STKLD1: variants seen among roughly 807,000 people sequenced by gnomAD.
STKLD1 encodes the protein serine/threonine kinase-like domain-containing protein STKLD1.
STKLD1 carries 79 observed loss-of-function variants against 80.4 expected under a neutral mutation model. That is an observed-to-expected ratio of 0.98 (90% CI 0.82 to 1.19). STKLD1 has a LOEUF of 1.19. Among genes scored for constraint, STKLD1 ranks in the 50% most tolerant of loss-of-function variants. STKLD1 has a pLI of 0.00. For synonymous variants in STKLD1, 393 were observed against 357.6 expected (o/e 1.10, Z -1.12); for missense variants, 841 against 856.0 (o/e 0.98, Z 0.22).
chr9:133,392,014 G>A (rs1201520848), intron 7 of STKLD1, among the ~76,000 whole-genome samples: 2 of 151,346 alleles, frequency 1.3e-5, no homozygotes, highest in East Asian at 3.9e-4. Flanking sequence ...GGGCTGGAGA[G>A]ATCAACCACA....
At chr9:133,380,936 A>G (rs1000957074) in intron 2 of STKLD1, among the ~76,000 whole-genome samples, 3 of 152,062 alleles carry the variant, frequency 2.0e-5, no homozygotes, top group Non-Finnish European at 4.4e-5. Context: ...AACTAACCCA[A>G]GCCATCCCTA....
chr9:133,393,605 A>ATGAGTGGGTGAGTGAGTGAATGAG (rs200438905), intron 7 of STKLD1, among the ~76,000 whole-genome samples: 2 of 127,978 alleles, frequency 1.6e-5, no homozygotes, highest in African/African-American at 5.8e-5. Flanking sequence ...GAGTGAGTGA[A>ATGAGTGGGTGAGTGAGTGAATGAG]TGGGTGAGTG....
chr9:133,393,393 T>TG (rs1310210451), intron 7 of STKLD1, among the ~76,000 whole-genome samples: 6 of 132,088 alleles, frequency 4.5e-5, no homozygotes, highest in Non-Finnish European at 9.5e-5. Flanking sequence ...GGTGAGTAGA[T>TG]GGATGGATGG....
chr9:133,388,989 C>T, intron 5 of STKLD1: 1 of 985,432 alleles, frequency 1.0e-6, no homozygotes, highest in African/African-American at 1.7e-5. Context: ...CCCCTCAGCC[C>T]CTCTCTGACA....
chr9:133,386,617 CCA>C (rs1193282053), intron 4 of STKLD1, among the ~76,000 whole-genome samples: 1 of 152,246 alleles, frequency 6.6e-6, no homozygotes, highest in Non-Finnish European at 1.5e-5. Flanking sequence ...CTCTCCAAGG[CCA>C]CACAGCTAGT....
At chr9:133,376,872 G>T (rs1005869553) in intron 1 of STKLD1, among the ~76,000 whole-genome samples, 4 of 152,148 alleles carry the variant, frequency 2.6e-5, no homozygotes, top group South Asian at 2.1e-4. Context: ...CAGGACCCCC[G>T]GGAACATCCC....
intron 11 of STKLD1, among the ~76,000 whole-genome samples, chr9:133,398,818 G>C (rs587647371): frequency 1.3e-5 from 2 of 148,356 alleles, no homozygotes; most frequent in East Asian, 3.9e-4. Flanking sequence ...TTCATGGAGA[G>C]TGTTGGGAAA....
chr9:133,386,182 G>T (rs1381281221), intron 4 of STKLD1, among the ~76,000 whole-genome samples: 2 of 152,224 alleles, frequency 1.3e-5, no homozygotes, highest in African/African-American at 4.8e-5. Context: ...GCCTCCCAAA[G>T]TGCTGGGATT....
At chr9:133,376,665 C>CCTGGCCGACA in intron 1 of STKLD1, 105 bp downstream of exon 1, 1 of 1,028,904 alleles carries the variant, frequency 9.7e-7, no homozygotes, top group Non-Finnish European at 1.4e-6. Flanking sequence ...GGGCCCGCGC[C>CCTGGCCGACA]CTGGCCAGTG....
Position 133,389,409 on chromosome 9 carries a change from T to C in STKLD1, c.397-117T>C. On this transcript the variant is annotated intron_variant, in intron 5 of 17. Coordinates refer to ENST00000371957, the MANE Select transcript of STKLD1 (RefSeq NM_153710.5). The surrounding 1 kb of genome is among the most constrained non-coding windows in gnomAD (Gnocchi z 6.4). ...CTGAGCGCTTGGCTGGCTTCAGGCC[T>C]GTCTCAAGATGCAAGGAGAGGATAC... 2.0e-6 allele frequency: 3 copies of C among 1,489,424 alleles called. No homozygotes were observed. Among genetic ancestry groups the C allele is most frequent in the Non-Finnish European group, 2.7e-6 (3 of 1,114,916 alleles). 92.3% of individuals were successfully genotyped at this position (1,489,424 alleles called of 1,614,324 possible).
chr9:133,397,423 G>A, intron 10 of STKLD1, 129 bp downstream of exon 10: 1 of 1,236,074 alleles, frequency 8.1e-7, no homozygotes, highest in Non-Finnish European at 1.1e-6. Context: ...CGACCAGTGG[G>A]TAGGAACAGT....
At chr9:133,386,552 G>A (rs2130277812) in intron 4 of STKLD1, among the ~76,000 whole-genome samples, 1 of 152,248 alleles carries the variant, frequency 6.6e-6, no homozygotes, top group Non-Finnish European at 1.5e-5. Flanking sequence ...AGGGCTGCAG[G>A]GCAGGAAGTA....
At chr9:133,399,826 CTGAGA>C (rs1440465163) in intron 11 of STKLD1, among the ~76,000 whole-genome samples, 17 of 149,402 alleles carry the variant, frequency 1.1e-4, no homozygotes, top group Admixed American at 1.1e-3. Flanking sequence ...TTGCAGTGAG[CTGAGA>C]TGATGCCACT....
chr9:133,403,991 A>G lies in STKLD1; in HGVS notation c.1675A>G (p.Arg559Gly). ...LLQSIRLCQD[R>G]ALLVNNAYRG... ...GCAAAGCATCCGGCTGTGCCAGGAC[A>G]GAGCCCTGCTGGTGAACAATGCCTA... Residue 559 changes from arginine to glycine, a missense_variant, in exon 16 of 18, where the codon AGA becomes GGA. Coordinates refer to ENST00000371957, the MANE Select transcript of STKLD1 (RefSeq NM_153710.5). The G allele has an allele frequency of 6.2e-7, 1 of 1,612,044 alleles. No homozygotes were observed. Among genetic ancestry groups the G allele is most frequent in the East Asian group, 2.2e-5 (1 of 44,872 alleles).
At chr9:133,383,292 ATGTGATGG>A (rs1838186526) in intron 2 of STKLD1, among the ~76,000 whole-genome samples, 3 of 2,498 alleles carry the variant, frequency 1.2e-3, no homozygotes, top group Non-Finnish European at 1.8e-3. Flanking sequence ...TGGTGTGATG[ATGTGATGG>A]TGGTAATGGT....
rs587661304 is a variant in STKLD1 at position 133,397,824 on chromosome 9, A to T, written c.998-148A>T. 23 of 626,528 alleles carry T rather than the reference A, an allele frequency of 3.7e-5. No homozygotes were observed. The South Asian group carries it at 4.7e-4, about 13-fold the overall frequency. The allele number at this position is 626,528 out of a possible 1,614,324, so 38.8% of individuals were successfully genotyped here. A position where few individuals can be genotyped will look rare whatever the true frequency, so the allele number is the denominator to read the frequency against. On this transcript the variant is annotated intron_variant, in intron 10 of 17. Transcript: ENST00000371957. ...CAGTGGCCTCATCTGTAAAGTGGGG[A>T]TGGTAACAGCCCCTCCCTCTCATCC...
chr9:133,389,849 G>A lies in STKLD1; in HGVS notation c.467+253G>A, dbSNP rs146083061. Among the ~76,000 whole-genome samples, 912 of 152,298 alleles carry A rather than the reference G, an allele frequency of 6.0e-3. 3 individuals are homozygous for A. The highest frequency in any genetic ancestry group is 9.5e-3 in the Non-Finnish European group (644 of 68,014). On this transcript the variant is annotated intron_variant, in intron 6 of 17. Coordinates refer to ENST00000371957, the MANE Select transcript of STKLD1 (RefSeq NM_153710.5). The surrounding 1 kb of genome is among the most constrained non-coding windows in gnomAD (Gnocchi z 6.4). ...AGCCAGGCGGGCTGCTCTAGAGTTC[G>A]TGGAAAGGAAGGAGGCAAAAGCCCT...
At chr9:133,382,643 A>ATGGTGGTGG (rs1441178540) in intron 2 of STKLD1, among the ~76,000 whole-genome samples, 1 of 147,994 alleles carries the variant, frequency 6.8e-6, no homozygotes, top group African/African-American at 2.5e-5. Context: ...TGATGTGATG[A>ATGGTGGTGG]TGGTGGTGGT....
chr9:133,388,350 C>A (rs587672178), intron 5 of STKLD1, among the ~76,000 whole-genome samples: 1 of 152,090 alleles, frequency 6.6e-6, no homozygotes, highest in East Asian at 1.9e-4. Context: ...CCTGTTCAAG[C>A]GATTCTCCTG....
Sources: allele counts gnomAD v4.1 joint callset (sites outside exome capture counted in the v4.1 genomes callset), GRCh38; gene constraint gnomAD v4.1.1; non-coding constraint Gnocchi (gnomAD v3.1); transcripts MANE v1.5; gene names NCBI Gene and HGNC (gene_info 2026-07-23, HGNC 2026-07-21).